The following TXNDC16 variants were observed in gnomAD, a reference collection of about 807,000 sequenced individuals.
TXNDC16 encodes the protein thioredoxin domain-containing protein 16.
In TXNDC16, 74 loss-of-function variants were observed where a neutral mutation model predicts 85.6. The ratio of observed to expected loss-of-function variants is 0.86; its 90% confidence interval spans 0.72 to 1.05. The LOEUF (loss-of-function observed/expected upper bound fraction) is 1.05, where lower values mean the gene tolerates loss of function less well. Ranked by LOEUF, TXNDC16 falls within the 50% of genes least tolerant of loss-of-function variation. The probability of loss-of-function intolerance (pLI) is 0.00; values close to 1 mark genes in which losing one functional copy is unlikely to be tolerated. For synonymous variants in TXNDC16, 335 were observed against 326.5 expected (o/e 1.03, Z -0.28); for missense variants, 959 against 947.0 (o/e 1.01, Z -0.17).
chr14:52,482,135 T>A, intron 14 of TXNDC16, 95 bp downstream of exon 14: 1 of 1,186,820 alleles, frequency 8.4e-7, no homozygotes, highest in South Asian at 1.6e-5. Flanking sequence ...TAACTGAAAT[T>A]TTATGTGGTT....
intron 16 of TXNDC16, among the ~76,000 whole-genome samples, chr14:52,469,348 A>G (rs2035849638): frequency 6.6e-6 from 1 of 151,166 alleles, no homozygotes; most frequent in South Asian, 2.1e-4. Context: ...TCTCGTCTCA[A>G]AAAAAAAAAC....
At position 52,431,105 on chromosome 14, in the gene TXNDC16, C is replaced by A. The variant is rs1330718188; in HGVS notation, c.*1199G>T. 6.6e-6 allele frequency: 1 copy of A among 152,206 alleles called. No homozygotes were observed. The highest frequency in any genetic ancestry group is 6.5e-5 in the Admixed American group (1 of 15,290). 9.4% of individuals were successfully genotyped at this position (152,206 alleles called of 1,614,324 possible). ...AGAGCAAAAATGAGACAAACAACTG[C>A]TACAAACAGATCAGTCTAACAGCTA... is the stretch of plus-strand genomic sequence containing the variant. On this transcript the variant is annotated 3_prime_UTR_variant, in exon 21 of 21. Coordinates refer to ENST00000281741, the MANE Select transcript of TXNDC16 (RefSeq NM_020784.3).
At chr14:52,492,752 G>A (rs954159821) in intron 9 of TXNDC16, among the ~76,000 whole-genome samples, 3 of 152,064 alleles carry the variant, frequency 2.0e-5, no homozygotes, top group African/African-American at 4.8e-5. Context: ...CCAGTCAGGG[G>A]GCAGAAATGT....
chr14:52,439,479 T>C (rs2140101053), intron 19 of TXNDC16, 85 bp from the exon 20 acceptor site: 1 of 1,228,714 alleles, frequency 8.1e-7, no homozygotes, highest in African/African-American at 1.5e-5. Context: ...ATTAAACTTT[T>C]AAGTAGTATC....
At chr14:52,526,066 G>A (rs1038500692) in intron 6 of TXNDC16, among the ~76,000 whole-genome samples, 6 of 152,018 alleles carry the variant, frequency 3.9e-5, no homozygotes, top group African/African-American at 1.4e-4. Flanking sequence ...ATCCACAGAT[G>A]CAGAACCTGT....
rs1386379945 is a variant in TXNDC16 at position 52,491,014 on chromosome 14, A to T, written c.757-9T>A. The T allele has an allele frequency of 8.6e-4, 164 of 190,428 alleles. No homozygotes were observed. Among genetic ancestry groups the T allele is most frequent in the East Asian group, 3.6e-3 (13 of 3,604 alleles). The allele number at this position is 190,428 out of a possible 1,614,324, so 11.8% of individuals were successfully genotyped here. Reference sequence around the variant, plus strand: ...TCTTCAGCAACTTCAGTCTTCATTGAAAAAAAAAAAAAAAAAAGGTGTGAT... The same window carrying T: ...TCTTCAGCAACTTCAGTCTTCATTGTAAAAAAAAAAAAAAAAAGGTGTGAT... On this transcript the variant is annotated splice_polypyrimidine_tract_variant and intron_variant, in intron 9 of 20. Coordinates refer to ENST00000281741, the MANE Select transcript of TXNDC16 (RefSeq NM_020784.3).
chr14:52,519,915 T>C (rs956547954), intron 6 of TXNDC16, among the ~76,000 whole-genome samples: 5 of 152,210 alleles, frequency 3.3e-5, no homozygotes, highest in African/African-American at 1.2e-4. Flanking sequence ...TCCTTTATAG[T>C]ACTTATTACA....
At chr14:52,506,747 G>C (rs541050636) in intron 9 of TXNDC16, among the ~76,000 whole-genome samples, 4 of 144,178 alleles carry the variant, frequency 2.8e-5, no homozygotes, top group African/African-American at 1.1e-4. Context: ...TAGTAGAGAC[G>C]GGGTTTCACC....
At chr14:52,516,147 T>C (rs2037077909) in intron 7 of TXNDC16, among the ~76,000 whole-genome samples, 1 of 152,146 alleles carries the variant, frequency 6.6e-6, no homozygotes, top group South Asian at 2.1e-4. Flanking sequence ...CCTAGCCTGC[T>C]GCACAACTGC....
intron 14 of TXNDC16, among the ~76,000 whole-genome samples, chr14:52,476,398 G>A (rs372867012): frequency 6.6e-6 from 1 of 151,964 alleles, no homozygotes; most frequent in East Asian, 1.9e-4. Context: ...GGAGGTGCCA[G>A]AGAAAGGCAA....
intron 2 of TXNDC16, 122 bp from the exon 3 acceptor site, chr14:52,543,752 A>G (rs1159126964): frequency 1.9e-5 from 10 of 539,912 alleles, no homozygotes; most frequent in Non-Finnish European, 3.1e-5. Flanking sequence ...GTACTTTACT[A>G]TATCATAAAA....
intron 14 of TXNDC16, among the ~76,000 whole-genome samples, chr14:52,475,305 C>T (rs1242298574): frequency 6.6e-6 from 1 of 152,088 alleles, no homozygotes; most frequent in Non-Finnish European, 1.5e-5. Flanking sequence ...TTGAACCAAT[C>T]GAAGAGTCTC....
intron 16 of TXNDC16, among the ~76,000 whole-genome samples, chr14:52,464,951 T>A (rs904324467): frequency 6.6e-6 from 1 of 151,744 alleles, no homozygotes; most frequent in East Asian, 1.9e-4. Context: ...TCAAAAAAAA[T>A]AAAAAATATA....
rs2034880821 is a variant in TXNDC16 at position 52,431,030 on chromosome 14, C to T, written c.*1274G>A. On this transcript the variant is annotated 3_prime_UTR_variant, in exon 21 of 21. Coordinates refer to ENST00000281741, the MANE Select transcript of TXNDC16 (RefSeq NM_020784.3). ...CAAGTAGATATTAAAAAGAAAAATACAGTAGAGCACCAAATAGAATATTCT... is the reference window on the plus strand; with the variant it reads ...CAAGTAGATATTAAAAAGAAAAATATAGTAGAGCACCAAATAGAATATTCT... 6.6e-6 allele frequency: 1 copy of T among 152,144 alleles called. No individual in the cohort carries two copies. Among genetic ancestry groups the T allele is most frequent in the African/African-American group, 2.4e-5 (1 of 41,424 alleles). The allele number at this position is 152,144 out of a possible 1,614,324, so 9.4% of individuals were successfully genotyped here.
intron 6 of TXNDC16, among the ~76,000 whole-genome samples, chr14:52,532,535 C>A (rs1397215478): frequency 6.6e-6 from 1 of 152,036 alleles, no homozygotes; most frequent in East Asian, 1.9e-4. Flanking sequence ...CTCCCGGATT[C>A]ACACCATTCT....
intron 14 of TXNDC16, among the ~76,000 whole-genome samples, chr14:52,473,633 G>C (rs996117368): frequency 6.6e-6 from 1 of 152,170 alleles, no homozygotes; most frequent in Admixed American, 6.5e-5. Context: ...AGTTGGAATA[G>C]TCTAGTATTC....
At chr14:52,540,953 A>C (rs76460463) in intron 4 of TXNDC16, among the ~76,000 whole-genome samples, 13,144 of 152,052 alleles carry the variant, frequency 0.086, 632 homozygotes, top group East Asian at 0.14. Context: ...CAGGAGTTTC[A>C]GGCCGGGTGC....
intron 9 of TXNDC16, among the ~76,000 whole-genome samples, chr14:52,501,929 C>A (rs1014028751): frequency 6.6e-6 from 1 of 152,114 alleles, no homozygotes; most frequent in East Asian, 1.9e-4. Flanking sequence ...CTAATTCCAC[C>A]GGGGTAAGCC....
intron 9 of TXNDC16, among the ~76,000 whole-genome samples, chr14:52,502,965 G>A (rs1594735957): frequency 1.3e-5 from 2 of 152,344 alleles, no homozygotes; most frequent in East Asian, 1.9e-4. Context: ...TATGCCCACA[G>A]AGCCTCACTC....
Sources: allele counts gnomAD v4.1 joint callset (sites outside exome capture counted in the v4.1 genomes callset), GRCh38; gene constraint gnomAD v4.1.1; transcripts MANE v1.5; gene names NCBI Gene and HGNC (gene_info 2026-07-23, HGNC 2026-07-21).